The following RP1 variants were observed in gnomAD, a reference collection of about 807,000 sequenced individuals.
The protein encoded by RP1 is RP1 axonemal microtubule associated.
A neutral mutation model predicts 14.8 loss-of-function variants in RP1; 16 were observed. That is an observed-to-expected ratio of 1.08 (90% confidence interval 0.73 to 1.65). The LOEUF is 1.65. Among genes scored for constraint, RP1 ranks in the 40% most tolerant of loss-of-function variants. The pLI is 0.00. For missense variants in RP1, 2,631 were observed against 2,535.0 expected (o/e 1.04, Z -0.81); for synonymous variants, 876 against 883.6 (o/e 0.99, Z 0.15).
chr8:54,607,459 G>T (rs1363500673), intron 1 of RP1, among the ~76,000 whole-genome samples: 1 of 152,166 alleles, frequency 6.6e-6, no homozygotes, highest in Non-Finnish European at 1.5e-5. Context: ...CCCCTACTGG[G>T]GGGTGCCTCC....
Position 54,580,300 on chromosome 8 carries a change from CTT to C in RP1, c.-13+21004_-13+21005del, listed in dbSNP as rs906806636. 6.5e-3 allele frequency among the ~76,000 whole-genome samples: 524 copies of C among 80,110 alleles called. 1 individual carries two copies. The highest frequency in any genetic ancestry group is 0.022 in the South Asian group (45 of 2,082). The allele number at this position is 80,110 out of a possible 152,430, so 52.6% of individuals were successfully genotyped here. ...GGGAAGCTAAATGTATCGTAGACTT[CTT>C]TTTTTTTTTTTTTTTTTTTTTTTGA... On this transcript the variant is annotated intron_variant, in intron 1 of 22. Coordinates refer to the RP1 transcript ENST00000636932.
intron 1 of RP1, among the ~76,000 whole-genome samples, chr8:54,582,068 G>C (rs1804804871): frequency 6.6e-6 from 1 of 152,188 alleles, no homozygotes; most frequent in South Asian, 2.1e-4. Context: ...TAGACATGAA[G>C]TGCTTGCCCA....
chr8:54,670,497 A>G lies in RP1; in HGVS notation c.1324-3353A>G, dbSNP rs193164020. Among the ~76,000 whole-genome samples the G allele has an allele frequency of 7.4e-5, 9 of 122,132 alleles. 1 individual carries two copies. Among genetic ancestry groups the G allele is most frequent in the African/African-American group, 2.4e-4 (8 of 33,710 alleles). 80.1% of individuals were successfully genotyped at this position (122,132 alleles called of 152,430 possible). On this transcript the variant is annotated intron_variant, in intron 7 of 22. Transcript: ENST00000636932. The stretch of plus-strand genomic sequence containing the variant: ...TATAGGTTTACATATGTAAGTATGT[A>G]TATATATACACATATATATGTATGT...
intron 24 of RP1, among the ~76,000 whole-genome samples, chr8:54,822,097 A>T (rs1811268226): frequency 6.6e-6 from 1 of 152,258 alleles, no homozygotes; most frequent in African/African-American, 2.4e-5. Context: ...TATTTGAAAG[A>T]GAAAAGTGAA....
chr8:54,787,069 G>C (rs964525058), intron 24 of RP1, among the ~76,000 whole-genome samples: 1 of 152,172 alleles, frequency 6.6e-6, no homozygotes, highest in Non-Finnish European at 1.5e-5. Context: ...CTTCATAAAA[G>C]AAGAGGATTC....
chr8:54,604,867 G>A (rs570715764), intron 1 of RP1, among the ~76,000 whole-genome samples: 1 of 152,266 alleles, frequency 6.6e-6, no homozygotes, highest in South Asian at 2.1e-4. Context: ...TTGTATTTCT[G>A]TGGGATCGGC....
intron 17 of RP1, among the ~76,000 whole-genome samples, chr8:54,732,896 G>A (rs1176797477): frequency 1.3e-5 from 2 of 152,198 alleles, no homozygotes; most frequent in African/African-American, 2.4e-5. Context: ...TGGGTTTGAA[G>A]TTTAGTTCCC....
At chr8:54,619,021 G>A (rs1563327305) in intron 1 of RP1, among the ~76,000 whole-genome samples, 1 of 152,234 alleles carries the variant, frequency 6.6e-6, no homozygotes, top group African/African-American at 2.4e-5. Flanking sequence ...AGGCCATGGC[G>A]ATTAAGCAGC....
chr8:54,840,995 A>G (rs1475645273), intron 25 of RP1, among the ~76,000 whole-genome samples: 1 of 152,200 alleles, frequency 6.6e-6, no homozygotes, highest in Admixed American at 6.5e-5. Context: ...AAACATTAAA[A>G]CAAGAAAATG....
At chr8:54,805,593 A>T (rs1053834423) in intron 24 of RP1, among the ~76,000 whole-genome samples, 4 of 152,210 alleles carry the variant, frequency 2.6e-5, no homozygotes, top group African/African-American at 9.7e-5. Context: ...GACTGAGTTT[A>T]TACAGCTGGA....
At position 54,621,301 on chromosome 8, in the gene RP1, T is replaced by C; in HGVS notation, c.335T>C (p.Val112Ala). The C allele has an allele frequency of 6.2e-7, 1 of 1,613,566 alleles. No homozygotes were observed. The highest frequency in any genetic ancestry group is 8.5e-7 in the Non-Finnish European group (1 of 1,179,916). Reference sequence around the variant, plus strand: ...TACCTATGTTCCCACGGCAGGAAGGTGCAGCCTGTAGACCTGGACAAAGCC... The same window carrying C: ...TACCTATGTTCCCACGGCAGGAAGGCGCAGCCTGTAGACCTGGACAAAGCC... ...ESYLCSHGRK[V>A]QPVDLDKARR... The change falls in exon 2 of 4, where the codon GTG becomes GCG. Residue 112 changes from valine to alanine, a missense_variant. Physicochemically the swap from Val to Ala is moderately conservative, Grantham distance 64. Coordinates refer to ENST00000220676, the MANE Select transcript of RP1 (RefSeq NM_006269.2).
intron 4 of RP1, among the ~76,000 whole-genome samples, chr8:54,652,164 C>T (rs934187143): frequency 2.6e-5 from 4 of 152,054 alleles, no homozygotes; most frequent in Non-Finnish European, 4.4e-5. Flanking sequence ...CCTGCCAACA[C>T]GCCCAGCTAA....
At chr8:54,699,521 A>G (rs1807961350) in exon 13 of RP1, 2 of 1,413,266 alleles carry the variant, frequency 1.4e-6, no homozygotes, top group Non-Finnish European at 1.9e-6. Context: ...CAAAGTCATG[A>G]GATGAGGCAT....
At chr8:54,718,409 C>G (rs56094449) in intron 15 of RP1, among the ~76,000 whole-genome samples, 45,501 of 151,958 alleles carry the variant, frequency 0.3, 8,320 homozygotes, top group Middle Eastern at 0.48. Context: ...AGAAATAGAC[C>G]CACACAAATA....
rs753691012 is a variant in RP1, at chr8:54,628,607, C to T, written c.4725C>T (p.Ser1575=). The T allele has an allele frequency of 6.2e-7, 1 of 1,613,872 alleles. No individual in the cohort carries two copies. The highest frequency in any genetic ancestry group is 8.5e-7 in the Non-Finnish European group (1 of 1,179,936). Residue 1575 remains serine, a synonymous_variant, in exon 4 of 4, where the codon TCC becomes TCT. Coordinates refer to ENST00000220676, the MANE Select transcript of RP1 (RefSeq NM_006269.2). ...TGGAAACTGGAAGTTATTCAGAGTC[C>T]TCTCCTGATTTAAAAAAATGCATCA... ...KTMETGSYSE[S]SPDLKKCIKS...
intron 25 of RP1, among the ~76,000 whole-genome samples, chr8:54,845,038 A>G (rs1426356801): frequency 6.6e-6 from 1 of 152,222 alleles, no homozygotes; most frequent in Non-Finnish European, 1.5e-5. Context: ...AGGGACGGTC[A>G]GAGTCTGGGA....
chr8:54,607,933 G>T (rs1805497238), intron 1 of RP1, among the ~76,000 whole-genome samples: 1 of 152,134 alleles, frequency 6.6e-6, no homozygotes, highest in African/African-American at 2.4e-5. Context: ...TTTTCCAGGT[G>T]CTGTCTGTCA....
intron 1 of RP1, among the ~76,000 whole-genome samples, chr8:54,581,574 T>C: frequency 6.6e-6 from 1 of 152,208 alleles, no homozygotes. Flanking sequence ...CCCTGAGGAA[T>C]CACCACACTG....
intron 16 of RP1, among the ~76,000 whole-genome samples, chr8:54,720,685 G>A (rs779210021): frequency 2.6e-5 from 4 of 152,084 alleles, no homozygotes; most frequent in Non-Finnish European, 5.9e-5. Context: ...AATGGTTGCA[G>A]TATAAAAAGA....
Sources: gnomAD v4.1 joint callset for allele counts (sites outside exome capture counted in the v4.1 genomes callset) on GRCh38, gnomAD v4.1.1 for gene constraint, MANE v1.5 for transcripts, NCBI Gene and HGNC (gene_info 2026-07-23, HGNC 2026-07-21) for gene names.